Variants in BUB1B observed in about 807,000 individuals in gnomAD.
BUB1B encodes the protein BUB1 mitotic checkpoint serine/threonine kinase B.
In BUB1B, 86 loss-of-function variants were observed where a neutral mutation model predicts 137.7. The observed-to-expected ratio is 0.62, with a 90% confidence interval of 0.52 to 0.75. The LOEUF is 0.75. Among genes scored for constraint, BUB1B ranks in the 30% least tolerant of loss-of-function variants. The pLI, the probability that BUB1B is intolerant of heterozygous loss-of-function variation, is 0.00. For synonymous variants in BUB1B, 420 were observed against 417.9 expected, an observed-to-expected ratio of 1.00 and a Z score of -0.06; for missense variants, 1,130 against 1,236.9, an observed-to-expected ratio of 0.91 and a Z score of 1.30.
intron 2 of BUB1B, among the ~76,000 whole-genome samples, chr15:40,165,723 A>T (rs1038929763): frequency 3.3e-4 from 50 of 151,662 alleles, no homozygotes; most frequent in African/African-American, 9.7e-4. Flanking sequence ...TATGCTTTTT[A>T]AAAAAAAAGG....
At position 40,209,982 on chromosome 15, in the gene BUB1B, T is replaced by A. The variant is rs767029713; in HGVS notation, c.2285-128T>A. On this transcript the variant is annotated intron_variant, in intron 17 of 22. Transcript: ENST00000287598. The stretch of plus-strand genomic sequence containing the variant: ...CTTGCAATCTTTAACAAATTATTTT[T>A]AAAAGTATTCTAGATACTACTAACT... 8.0e-4 allele frequency: 797 copies of A among 992,432 alleles called. 2 individuals are homozygous for A. The highest frequency in any genetic ancestry group is 1.0e-3 in the Non-Finnish European group (678 of 651,902). 61.5% of individuals were successfully genotyped at this position (992,432 alleles called of 1,614,324 possible). A position where few individuals can be genotyped will look rare whatever the true frequency, so the allele number is the denominator to read the frequency against.
In BUB1B at chr15:40,165,037, G is replaced by C. The variant is rs750947528; in HGVS notation, c.36-16G>C. On this transcript the variant is annotated splice_polypyrimidine_tract_variant and intron_variant, in intron 1 of 22. Coordinates refer to ENST00000287598, the MANE Select transcript of BUB1B (RefSeq NM_001211.6). Reference sequence around the variant, plus strand: ...CAATGTTGGTATGAGATTTACATTTGTTTCCTTCTTCACAGTGAAGCCATG... The same window carrying C: ...CAATGTTGGTATGAGATTTACATTTCTTTCCTTCTTCACAGTGAAGCCATG... 6.2e-7 allele frequency: 1 copy of C among 1,613,956 alleles called. No individual in the cohort carries two copies. The highest frequency in any genetic ancestry group is 8.5e-7 in the Non-Finnish European group (1 of 1,179,962).
Position 40,199,726 on chromosome 15 carries a change from A to G in BUB1B, c.1400A>G (p.Gln467Arg). 4 of 1,609,840 alleles carry G rather than the reference A, an allele frequency of 2.5e-6. No individual in the cohort carries two copies. The highest frequency in any genetic ancestry group is 2.2e-5 in the South Asian group (2 of 90,956). Residue 467 changes from glutamine to arginine, a missense_variant and splice_region_variant, in exon 10 of 23, where the codon CAG (glutamine) becomes CGG (arginine). By Grantham distance (43) the Gln-to-Arg change is conservative (BLOSUM62 1). Coordinates refer to ENST00000287598, the MANE Select transcript of BUB1B (RefSeq NM_001211.6). ...ACTCAGCAAGAAAGAACAGGTGATCAGGTAATTTTTCTTTTTTCATACACA... is the reference window on the plus strand; with the variant it reads ...ACTCAGCAAGAAAGAACAGGTGATCGGGTAATTTTTCTTTTTTCATACACA... ...QTTQQERTGD[Q>R]QEETMPTKET...
rs2140881724 is a variant in BUB1B at position 40,170,529 on chromosome 15, C to T, written c.240-8C>T. The T allele has an allele frequency of 1.9e-6, 3 of 1,613,226 alleles. No homozygotes were observed. The highest frequency in any genetic ancestry group is 2.5e-6 in the Non-Finnish European group (3 of 1,179,356). On this transcript the variant is annotated splice_polypyrimidine_tract_variant and splice_region_variant and intron_variant, in intron 3 of 22. Coordinates refer to ENST00000287598, the MANE Select transcript of BUB1B (RefSeq NM_001211.6). ...AAAATGTGTTCTTATCTTTTTCCTC[C>T]CATTTAGGTATATCAGCTGGACAGA...
At chr15:40,213,520 C>T in intron 20 of BUB1B, 46 bp downstream of exon 20, 1 of 1,608,496 alleles carries the variant, frequency 6.2e-7, no homozygotes, top group East Asian at 2.2e-5. Context: ...TCTCTTAAAA[C>T]ATGGATAGTT....
chr15:40,174,825 G>A (rs892146980), intron 4 of BUB1B, among the ~76,000 whole-genome samples: 8 of 152,268 alleles, frequency 5.3e-5, no homozygotes, highest in East Asian at 1.9e-4. Context: ...TTAGCCAGCC[G>A]TGGTGGCGGG....
At chr15:40,188,555 A>G (rs769598924) in intron 8 of BUB1B, among the ~76,000 whole-genome samples, 1 of 146,502 alleles carries the variant, frequency 6.8e-6, no homozygotes, top group Non-Finnish European at 1.5e-5. Context: ...TATGCTTTTA[A>G]TTATCATACA....
In BUB1B at chr15:40,220,741, G is replaced by A; in HGVS notation, c.3135G>A (p.Gly1045=). ...AGGTAGGGAAGTTAACTAGTCCTGGGGCTTTGCTCTTTCAGTGAGCTAGGC... is the reference window on the plus strand; with the variant it reads ...AGGTAGGGAAGTTAACTAGTCCTGGAGCTTTGCTCTTTCAGTGAGCTAGGC... The part of the protein sequence containing the change: ...LWKVGKLTSP[G]ALLFQ Residue 1045 remains glycine (G), a synonymous_variant, in exon 23 of 23, where the codon GGG becomes GGA. Transcript: ENST00000287598. 1 of 1,614,106 alleles carries A rather than the reference G, an allele frequency of 6.2e-7. No homozygotes were observed. The highest frequency in any genetic ancestry group is 8.5e-7 in the Non-Finnish European group (1 of 1,180,022).
At chr15:40,170,442 C>T in intron 3 of BUB1B, 95 bp from the exon 4 acceptor site, 1 of 1,439,836 alleles carries the variant, frequency 6.9e-7, no homozygotes, top group South Asian at 1.2e-5. Flanking sequence ...AAGAAACATA[C>T]TTTACTTCTG....
rs533051419 is a variant in BUB1B, at chr15:40,200,484, T to C, written c.1517+125T>C. 92 of 696,026 alleles carry C rather than the reference T, an allele frequency of 1.3e-4. 2 individuals carry two copies. In the Middle Eastern group the frequency reaches 5.3e-3, roughly 40 times the overall value. 43.1% of individuals were successfully genotyped at this position (696,026 alleles called of 1,614,324 possible). On this transcript the variant is annotated intron_variant, in intron 11 of 22. Transcript: ENST00000287598. ...TCGAGACATGGTTTTTGTAAGTCTC[T>C]GTCACAACATAAGCTTTGATGCTGA...
chr15:40,206,483 C>A, intron 15 of BUB1B, 25 bp downstream of exon 15: 1 of 1,613,826 alleles, frequency 6.2e-7, no homozygotes, highest in Non-Finnish European at 8.5e-7. Context: ...ACAGGTTTTA[C>A]AAACCAGATT....
In BUB1B at chr15:40,161,200, G is replaced by A; in HGVS notation, c.-21G>A. 6.2e-7 allele frequency: 1 copy of A among 1,613,002 alleles called. No homozygotes were observed. The highest frequency in any genetic ancestry group is 1.1e-5 in the South Asian group (1 of 90,770). ...GAGGAAAGGCCTGCAGCAGGACGAG[G>A]ACCTGAGCCAGGAATGCAGGATGGC... On this transcript the variant is annotated 5_prime_UTR_variant, in exon 1 of 23. Coordinates refer to ENST00000287598, the MANE Select transcript of BUB1B (RefSeq NM_001211.6).
At chr15:40,210,055 A>G (rs1329918735) in intron 17 of BUB1B, 55 bp from the exon 18 acceptor site, 1 of 1,399,872 alleles carries the variant, frequency 7.1e-7, no homozygotes, top group Non-Finnish European at 1.0e-6. Context: ...GGTAAAAGCT[A>G]CAGGGCTGTA....
chr15:40,171,088 C>A (rs1444462979), intron 4 of BUB1B, among the ~76,000 whole-genome samples: 2 of 151,938 alleles, frequency 1.3e-5, no homozygotes, highest in Non-Finnish European at 2.9e-5. Flanking sequence ...GGTGCTGTGC[C>A]ATTACGTCCA....
chr15:40,217,428 A>T (rs1595538809), intron 20 of BUB1B, 68 bp from the exon 21 acceptor site: 167 of 1,422,844 alleles, frequency 1.2e-4, no homozygotes, highest in Non-Finnish European at 1.4e-4. Flanking sequence ...TTTTTTTTTT[A>T]AAGACCAGCT....
intron 15 of BUB1B, among the ~76,000 whole-genome samples, chr15:40,207,872 A>C (rs1226452891): frequency 1.2e-5 from 1 of 81,026 alleles, no homozygotes; most frequent in Non-Finnish European, 3.0e-5. Context: ...CCTTGTGTCT[A>C]ATAAAAATAA....
intron 3 of BUB1B, 141 bp downstream of exon 3, chr15:40,170,262 A>G (rs1449847792): frequency 1.2e-6 from 1 of 854,534 alleles, no homozygotes; most frequent in East Asian, 2.5e-5. Flanking sequence ...GAATAATCAT[A>G]ATATATCTTC....
At chr15:40,174,731 C>T (rs1386343647) in intron 4 of BUB1B, among the ~76,000 whole-genome samples, 2 of 152,108 alleles carry the variant, frequency 1.3e-5, no homozygotes, top group Admixed American at 6.5e-5. Flanking sequence ...TTTGGGAGGC[C>T]GAGGTGGGTG....
In BUB1B at chr15:40,176,528, G is replaced by C. The variant is rs760128178; in HGVS notation, c.436G>C (p.Gly146Arg). The change falls in exon 5 of 23, where the codon GGG (glycine) becomes CGG (arginine). Residue 146 changes from glycine to arginine, a missense_variant. Transcript: ENST00000287598. ...TATGTACAGTTACTTGCACAACCAA[G>C]GGATTGGTGTTTCACTTGCTCAGTT... ...LDMYSYLHNQ[G>R]IGVSLAQFYI... 25 of 1,614,114 alleles carry C rather than the reference G, an allele frequency of 1.5e-5. No individual in the cohort carries two copies. The highest frequency in any genetic ancestry group is 2.0e-5 in the Non-Finnish European group (24 of 1,180,004).
Sources: allele counts gnomAD v4.1 joint callset (sites outside exome capture counted in the v4.1 genomes callset), GRCh38; gene constraint gnomAD v4.1.1; transcripts MANE v1.5; gene names NCBI Gene and HGNC (gene_info 2026-07-23, HGNC 2026-07-21).